SLC26A3: variants seen among roughly 807,000 people sequenced by gnomAD.
The protein encoded by SLC26A3 is solute carrier family 26 member 3.
SLC26A3 carries 64 observed loss-of-function variants against 85.6 expected under a neutral mutation model. The observed-to-expected ratio is 0.75, with a 90% confidence interval of 0.61 to 0.92. The LOEUF (loss-of-function observed/expected upper bound fraction) is 0.92. SLC26A3 is among the 40% of genes least tolerant of loss of function. SLC26A3 has a pLI of 0.00. For synonymous variants in SLC26A3, 349 were observed against 336.0 expected (o/e 1.04, Z -0.42); for missense variants, 922 against 927.3 (o/e 0.99, Z 0.07).
At chr7:107,800,844 T>C (rs1431097585) in intron 1 of SLC26A3, among the ~76,000 whole-genome samples, 1 of 152,198 alleles carries the variant, frequency 6.6e-6, no homozygotes, top group African/African-American at 2.4e-5. Flanking sequence ...GAGTCTTGTG[T>C]TAGACTTTAA....
rs2115843244 is a variant in SLC26A3 at position 107,782,778 on chromosome 7, T to C, written c.1311+19A>G. 3 of 1,609,428 alleles carry C rather than the reference T, an allele frequency of 1.9e-6. No individual in the cohort carries two copies. In the East Asian group the frequency reaches 6.7e-5, roughly 36 times the overall value. On this transcript the variant is annotated intron_variant, in intron 11 of 20. Coordinates refer to ENST00000340010, the MANE Select transcript of SLC26A3 (RefSeq NM_000111.3). ...GATTTACCACTAAAAGTAGAGATGC[T>C]ATCCAAAGACAGTGTTACCTTTTGT...
intron 1 of SLC26A3, among the ~76,000 whole-genome samples, chr7:107,798,571 C>T (rs1049133797): frequency 2.6e-5 from 4 of 152,116 alleles, no homozygotes; most frequent in African/African-American, 9.7e-5. Flanking sequence ...TGCTGATGAG[C>T]GGTGCTAGGA....
Position 107,774,194 on chromosome 7 carries a change from A to G in SLC26A3, c.1774-41T>C, listed in dbSNP as rs745503008. ...ACAAGTATGAAAACTGTGACCAAGA[A>G]AAACATTGTGTATGTCAGAGATAGC... On this transcript the variant is annotated intron_variant, in intron 16 of 20. Coordinates refer to ENST00000340010, the MANE Select transcript of SLC26A3 (RefSeq NM_000111.3). 1.8e-5 allele frequency: 26 copies of G among 1,472,780 alleles called. No homozygotes were observed. The East Asian group carries it at 5.9e-4, about 33-fold the overall frequency. The allele number at this position is 1,472,780 out of a possible 1,614,324, so 91.2% of individuals were successfully genotyped here.
At chr7:107,792,995 A>G (rs2115882231) in intron 3 of SLC26A3, among the ~76,000 whole-genome samples, 1 of 152,334 alleles carries the variant, frequency 6.6e-6, no homozygotes, top group South Asian at 2.1e-4. Flanking sequence ...AAAATATTCA[A>G]TATTGTTAGT....
Position 107,787,371 on chromosome 7 carries a change from T to C in SLC26A3, c.874A>G (p.Ile292Val), listed in dbSNP as rs771569151. 5.0e-6 allele frequency: 8 copies of C among 1,613,928 alleles called. No homozygotes were observed. Among genetic ancestry groups the C allele is most frequent in the South Asian group, 3.3e-5 (3 of 91,082 alleles). ...FKDKLPVPIP[I>V]EFIMTVIAAG... ...TGATCAATTACCATAATGAATTCGA[T>C]TGGAATGGGCACTGGAAGTTTGTCT... The change falls in exon 7 of 21, where the codon ATC becomes GTC. Residue 292 changes from isoleucine (I) to valine (V), a missense_variant. Physicochemically the swap from Ile to Val is conservative, Grantham distance 29. Transcript: ENST00000340010.
At chr7:107,768,569 TGTA>T (rs1294987105) in intron 18 of SLC26A3, among the ~76,000 whole-genome samples, 5 of 152,226 alleles carry the variant, frequency 3.3e-5, no homozygotes, top group Non-Finnish European at 7.3e-5. Context: ...TATATATTCC[TGTA>T]GTACTGACAG....
Position 107,765,563 on chromosome 7 carries a change from T to C in SLC26A3, c.*292A>G, listed in dbSNP as rs1455347751. 2.7e-6 allele frequency: 1 copy of C among 368,698 alleles called. No individual in the cohort carries two copies. Among genetic ancestry groups the C allele is most frequent in the Non-Finnish European group, 4.9e-6 (1 of 202,360 alleles). 22.8% of individuals were successfully genotyped at this position (368,698 alleles called of 1,614,324 possible). ...TGGCGCCACTATACTGCTAAACCTA[T>C]GCATGAAGGTAGTGACTAGGATGGA... On this transcript the variant is annotated 3_prime_UTR_variant, in exon 21 of 21. Transcript: ENST00000340010.
In SLC26A3 at chr7:107,782,994, C is replaced by T; in HGVS notation, c.1219G>A (p.Gly407Arg). 1 of 1,614,168 alleles carries T rather than the reference C, an allele frequency of 6.2e-7. No homozygotes were observed. Among genetic ancestry groups the T allele is most frequent in the South Asian group, 1.1e-5 (1 of 91,086 alleles). ...LSRSAVQEST[G>R]GKTQIAGLIG... ...TCTTGACATACCTGTGTTTTGCCTC[C>T]TGTGCTCTCCTGAACTGCTGATCTG... Residue 407 changes from glycine (G) to arginine (R), a missense_variant, in exon 10 of 21, where the codon GGA becomes AGA. Gly to Arg is a moderately radical substitution (Grantham distance 125). Coordinates refer to ENST00000340010, the MANE Select transcript of SLC26A3 (RefSeq NM_000111.3).
At chr7:107,776,756 C>A (rs777822240) in intron 13 of SLC26A3, 50 bp from the exon 14 acceptor site, 1 of 1,535,336 alleles carries the variant, frequency 6.5e-7, no homozygotes, top group South Asian at 1.1e-5. Flanking sequence ...TTTGTTAAGC[C>A]TATAAGGCTA....
intron 3 of SLC26A3, among the ~76,000 whole-genome samples, chr7:107,792,478 A>C (rs1195261616): frequency 6.6e-6 from 1 of 152,066 alleles, no homozygotes; most frequent in Non-Finnish European, 1.5e-5. Flanking sequence ...CATGCAACCT[A>C]GATCCCTTGC....
chr7:107,791,371 GGAGGCCGAGGCGGGTGGATCACCT>G (rs1432600064), intron 4 of SLC26A3, 136 bp from the exon 5 acceptor site: 18 of 923,826 alleles, frequency 1.9e-5, no homozygotes, highest in Non-Finnish European at 3.2e-5. Flanking sequence ...CAGCACTTTG[GGAGGCCGAGGCGGGTGGATCACCT>G]GAGGTCGGGA....
chr7:107,771,937 T>C, intron 18 of SLC26A3, 117 bp downstream of exon 18: 1 of 754,998 alleles, frequency 1.3e-6, no homozygotes, highest in African/African-American at 1.7e-5. Flanking sequence ...GGCTGCATAT[T>C]AGATTTTCAT....
chr7:107,767,291 G>A (rs1464649081), intron 20 of SLC26A3, among the ~76,000 whole-genome samples: 5 of 152,184 alleles, frequency 3.3e-5, no homozygotes, highest in Admixed American at 6.5e-5. Flanking sequence ...GCCAGAATAA[G>A]AGCATTGTTG....
chr7:107,782,419 T>C (rs1333570945), intron 11 of SLC26A3, among the ~76,000 whole-genome samples: 1 of 152,182 alleles, frequency 6.6e-6, no homozygotes, highest in Non-Finnish European at 1.5e-5. Context: ...ACGAGTTGTG[T>C]GGCTGGTAGG....
intron 2 of SLC26A3, 100 bp downstream of exon 2, chr7:107,794,279 G>A: frequency 2.2e-6 from 3 of 1,338,088 alleles, no homozygotes; most frequent in South Asian, 1.2e-5. Context: ...ACTGTAGGCT[G>A]TGGACTAGAG....
At chr7:107,774,666 T>G (rs1794081379) in intron 16 of SLC26A3, 111 bp downstream of exon 16, 2 of 844,670 alleles carry the variant, frequency 2.4e-6, no homozygotes, top group African/African-American at 3.3e-5. Context: ...CATTGACACA[T>G]GAAATCCCTT....
At chr7:107,802,255 A>G (rs114964988) in intron 1 of SLC26A3, among the ~76,000 whole-genome samples, 2,578 of 152,260 alleles carry the variant, frequency 0.017, 64 homozygotes, top group African/African-American at 0.058. Flanking sequence ...TCTTTTCCTG[A>G]CATTTTAAAG....
At chr7:107,782,541 TA>T (rs1403991061) in intron 11 of SLC26A3, among the ~76,000 whole-genome samples, 1 of 152,194 alleles carries the variant, frequency 6.6e-6, no homozygotes, top group Non-Finnish European at 1.5e-5. Flanking sequence ...ATTTCAACAT[TA>T]ATTCTATTTG....
At position 107,774,878 on chromosome 7, in the gene SLC26A3, A is replaced by G; in HGVS notation, c.1678-6T>C. ...CGAAGTGGACTAAAGCCAACCTGAG[A>G]AACCCATTGCTGTGTTACAAGAGTA... On this transcript the variant is annotated splice_polypyrimidine_tract_variant and splice_region_variant and intron_variant, in intron 15 of 20. Transcript: ENST00000340010. The G allele has an allele frequency of 1.9e-6, 3 of 1,611,454 alleles. No individual in the cohort carries two copies. Among genetic ancestry groups the G allele is most frequent in the Non-Finnish European group, 2.5e-6 (3 of 1,177,578 alleles).
Sources: gnomAD v4.1 joint callset for allele counts (sites outside exome capture counted in the v4.1 genomes callset) on GRCh38, gnomAD v4.1.1 for gene constraint, MANE v1.5 for transcripts, NCBI Gene and HGNC (gene_info 2026-07-23, HGNC 2026-07-21) for gene names.